Variants in ART3 observed in about 807,000 individuals in gnomAD.
ART3 encodes ADP-ribosyltransferase 3 (inactive).
ART3 carries 49 observed loss-of-function variants against 48.5 expected under a neutral mutation model. That is an observed-to-expected ratio of 1.01 (90% CI 0.80 to 1.28). The LOEUF is 1.28. Ranked by LOEUF, ART3 falls within the 50% of genes most tolerant of loss-of-function variation. The pLI is 0.00. For synonymous variants in ART3, 145 were observed against 157.2 expected (o/e 0.92, Z 0.58); for missense variants, 438 against 454.3 (o/e 0.96, Z 0.33).
intron 3 of ART3, among the ~76,000 whole-genome samples, chr4:76,086,379 A>G (rs55680121): frequency 0.018 from 2,766 of 152,310 alleles, 89 homozygotes; most frequent in African/African-American, 0.061. Context: ...CCAGACACAG[A>G]AAGCTATTGC....
At chr4:76,062,111 TGA>T (rs10595233) in intron 1 of ART3, among the ~76,000 whole-genome samples, 88,875 of 151,788 alleles carry the variant, frequency 0.59, 26,857 homozygotes, top group East Asian at 0.94. Context: ...TCATTATGGA[TGA>T]TGGTCTCGTA....
intron 10 of ART3, chr4:76,106,068 T>C (rs1387647643): frequency 2.0e-6 from 2 of 985,344 alleles, no homozygotes; most frequent in African/African-American, 3.5e-5. Flanking sequence ...ACACAGGAGC[T>C]CATTTAATCC....
chr4:76,093,469 C>T (rs576035504), intron 3 of ART3, among the ~76,000 whole-genome samples: 17 of 152,058 alleles, frequency 1.1e-4, no homozygotes, highest in Non-Finnish European at 2.1e-4. Context: ...TTGAGTCCTC[C>T]GCACCTCGCA....
chr4:76,024,487 CA>C (rs367650593), intron 1 of ART3, among the ~76,000 whole-genome samples: 13 of 152,234 alleles, frequency 8.5e-5, no homozygotes, highest in African/African-American at 2.4e-4. Flanking sequence ...TGAATCGTGG[CA>C]AAACTTAATT....
chr4:76,026,414 A>T (rs749578465), intron 1 of ART3, among the ~76,000 whole-genome samples: 1 of 152,242 alleles, frequency 6.6e-6, no homozygotes, highest in Middle Eastern at 3.2e-3. Flanking sequence ...GGATGGTTGA[A>T]TGAATCTTTA....
chr4:76,090,758 A>T (rs537519748), intron 3 of ART3, among the ~76,000 whole-genome samples: 58 of 152,366 alleles, frequency 3.8e-4, no homozygotes, highest in African/African-American at 1.4e-3. Flanking sequence ...GTTATAATTG[A>T]TATGCAATAA....
chr4:76,036,249 A>G (rs1734396242), intron 1 of ART3: 1 of 398,726 alleles, frequency 2.5e-6, no homozygotes, highest in Non-Finnish European at 4.4e-6. Flanking sequence ...AGTGATAAGA[A>G]TGTGAAAGCA....
chr4:76,055,584 A>C (rs1718610725), intron 1 of ART3, among the ~76,000 whole-genome samples: 1 of 152,194 alleles, frequency 6.6e-6, no homozygotes, highest in Non-Finnish European at 1.5e-5. Context: ...AAGGTCTGAC[A>C]ATGTAATTCC....
chr4:76,095,660 G>T (rs1009652684), intron 3 of ART3, among the ~76,000 whole-genome samples: 1 of 152,302 alleles, frequency 6.6e-6, no homozygotes, highest in Non-Finnish European at 1.5e-5. Context: ...TAATAGTCCT[G>T]GCTATGGTCC....
chr4:76,044,321 C>T (rs1382604805), intron 1 of ART3, among the ~76,000 whole-genome samples: 3 of 152,046 alleles, frequency 2.0e-5, no homozygotes, highest in Admixed American at 6.6e-5. Context: ...CATTCTTCCC[C>T]TAAGAAGGTG....
chr4:76,048,821 C>G (rs1379658558), intron 1 of ART3, among the ~76,000 whole-genome samples: 1 of 94,892 alleles, frequency 1.1e-5, no homozygotes, highest in Non-Finnish European at 2.1e-5. Context: ...GATTTAGTGG[C>G]CCTTATGATG....
intron 3 of ART3, among the ~76,000 whole-genome samples, chr4:76,091,083 A>G (rs1176153000): frequency 2.0e-5 from 3 of 152,218 alleles, no homozygotes; most frequent in African/African-American, 7.2e-5. Flanking sequence ...TGCATGTATC[A>G]ATAGTTTATT....
intron 1 of ART3, among the ~76,000 whole-genome samples, chr4:76,044,916 G>A (rs558265743): frequency 1.8e-4 from 27 of 152,200 alleles, no homozygotes; most frequent in African/African-American, 5.8e-4. Flanking sequence ...GGCATCCAGC[G>A]GGGGTTCCCA....
upstream of ART3, among the ~76,000 whole-genome samples, chr4:76,070,508 A>G (rs1720206756): frequency 6.6e-6 from 1 of 152,170 alleles, no homozygotes; most frequent in Non-Finnish European, 1.5e-5. Flanking sequence ...TTTGCCCGTA[A>G]TCATTCAATA....
intron 3 of ART3, among the ~76,000 whole-genome samples, chr4:76,093,462 A>T (rs1285272751): frequency 6.6e-6 from 1 of 152,140 alleles, no homozygotes; most frequent in Non-Finnish European, 1.5e-5. Context: ...CAGCATGTTG[A>T]GTCCTCCGCA....
chr4:76,097,873 C>T (rs1009553265), intron 4 of ART3, among the ~76,000 whole-genome samples, 197 bp downstream of exon 4: 4 of 152,184 alleles, frequency 2.6e-5, no homozygotes, highest in Admixed American at 1.3e-4. Flanking sequence ...CCACTGCCAC[C>T]CTCATCCCCA....
intron 1 of ART3, among the ~76,000 whole-genome samples, chr4:76,040,087 G>C (rs185144321): frequency 1.4e-3 from 217 of 152,322 alleles, no homozygotes; most frequent in Non-Finnish European, 2.6e-3. Flanking sequence ...CAGTTTGGGA[G>C]ACCGAGGCAG....
chr4:76,098,024 T>G (rs2149658497), intron 4 of ART3, among the ~76,000 whole-genome samples: 1 of 152,280 alleles, frequency 6.6e-6, no homozygotes, highest in East Asian at 1.9e-4. Flanking sequence ...ATTTCCCACT[T>G]GACTCCTATG....
At chr4:76,056,733 C>T (rs1274805818) in intron 1 of ART3, among the ~76,000 whole-genome samples, 5 of 152,208 alleles carry the variant, frequency 3.3e-5, no homozygotes, top group South Asian at 2.1e-4. Flanking sequence ...AAAAAAAATA[C>T]GTACTAGATT....
Sources: gnomAD v4.1 joint callset for allele counts (sites outside exome capture counted in the v4.1 genomes callset) on GRCh38, gnomAD v4.1.1 for gene constraint, MANE v1.5 for transcripts, NCBI Gene and HGNC (gene_info 2026-07-23, HGNC 2026-07-21) for gene names.